FAM120B: variants seen among roughly 807,000 people sequenced by gnomAD.
FAM120B encodes the protein constitutive coactivator of peroxisome proliferator-activated receptor gamma.
A neutral mutation model predicts 96.3 loss-of-function variants in FAM120B; 83 were observed. That is an observed-to-expected ratio of 0.86 (90% CI 0.72 to 1.03). The LOEUF (loss-of-function observed/expected upper bound fraction) is 1.03, where lower values mean the gene tolerates loss of function less well. Ranked by LOEUF, FAM120B falls within the 50% of genes least tolerant of loss-of-function variation. The pLI, the probability that FAM120B is intolerant of heterozygous loss-of-function variation, is 0.00. For missense variants in FAM120B, 1,027 were observed against 1,121.2 expected (o/e 0.92, Z 1.20); for synonymous variants, 407 against 402.7 (o/e 1.01, Z -0.13).
At chr6:170,376,468 C>T (rs990999073) in intron 6 of FAM120B, among the ~76,000 whole-genome samples, 1 of 130,404 alleles carries the variant, frequency 7.7e-6, no homozygotes, top group Non-Finnish European at 1.6e-5. Flanking sequence ...ATCATAGTGT[C>T]GAGGAACACG....
intron 6 of FAM120B, among the ~76,000 whole-genome samples, chr6:170,379,808 T>G: frequency 6.6e-6 from 1 of 152,250 alleles, no homozygotes; most frequent in East Asian, 1.9e-4. Flanking sequence ...AGATTTTGTT[T>G]GTTTGTTTTT....
At position 170,317,508 on chromosome 6, in the gene FAM120B, A is replaced by G. The variant is rs1784971801; in HGVS notation, c.118A>G (p.Thr40Ala). 3.7e-6 allele frequency: 6 copies of G among 1,614,078 alleles called. No individual in the cohort carries two copies. In the African/African-American group the frequency reaches 4.0e-5, roughly 11 times the overall value. Residue 40 changes from threonine to alanine, a missense_variant, in exon 2 of 11, where the codon ACC becomes GCC. Physicochemically the swap from Thr to Ala is moderately conservative, Grantham distance 58 (BLOSUM62 0). Coordinates refer to ENST00000476287, the MANE Select transcript of FAM120B (RefSeq NM_032448.3). Reference protein sequence around the residue: ...HRSKYPGCTPTIVVDAMCCLR... With the variant: ...HRSKYPGCTPAIVVDAMCCLR... ...AAGCAAGTATCCTGGATGTACCCCT[A>G]CCATTGTGGTTGATGCCATGTGTTG...
intron 1 of FAM120B, among the ~76,000 whole-genome samples, chr6:170,317,004 A>T (rs1173195330): frequency 1.3e-5 from 2 of 152,234 alleles, no homozygotes; most frequent in African/African-American, 2.4e-5. Flanking sequence ...TTTATGTTTT[A>T]GATTTTTAAC....
intron 5 of FAM120B, among the ~76,000 whole-genome samples, chr6:170,351,758 C>T (rs1388955167): frequency 6.6e-6 from 1 of 152,194 alleles, no homozygotes; most frequent in Non-Finnish European, 1.5e-5. Flanking sequence ...TTGTCACCAA[C>T]AGGCTTGCCT....
chr6:170,344,002 G>A (rs1263007541), intron 4 of FAM120B, among the ~76,000 whole-genome samples: 11 of 150,176 alleles, frequency 7.3e-5, no homozygotes, highest in African/African-American at 2.7e-4. Flanking sequence ...GGATGAAATC[G>A]TTCAGTCCAT....
intron 6 of FAM120B, among the ~76,000 whole-genome samples, chr6:170,359,944 C>T (rs1344999593): frequency 1.3e-5 from 2 of 152,130 alleles, no homozygotes; most frequent in African/African-American, 4.8e-5. Flanking sequence ...TTCTTCACGC[C>T]GAGCGGCAGC....
At chr6:170,404,523 T>C in intron 9 of FAM120B, 27 bp from the exon 10 acceptor site, 1 of 1,609,074 alleles carries the variant, frequency 6.2e-7, no homozygotes, top group Non-Finnish European at 8.5e-7. Flanking sequence ...TAATTCTTAC[T>C]TTGGTTTTCA....
intron 4 of FAM120B, among the ~76,000 whole-genome samples, chr6:170,334,902 T>C (rs150210825): frequency 6.6e-6 from 1 of 152,168 alleles, no homozygotes; most frequent in East Asian, 1.9e-4. Context: ...AAGTATAGAG[T>C]TTGATGTATT....
At chr6:170,323,362 A>G (rs1048954568) in intron 3 of FAM120B, 103 bp downstream of exon 3, 2 of 954,298 alleles carry the variant, frequency 2.1e-6, no homozygotes, top group Admixed American at 2.7e-5. Context: ...CATGGAGACA[A>G]TTAAATGGGT....
chr6:170,353,968 A>G (rs1787737241), intron 5 of FAM120B, among the ~76,000 whole-genome samples: 1 of 152,240 alleles, frequency 6.6e-6, no homozygotes, highest in African/African-American at 2.4e-5. Flanking sequence ...AGCCAAGACA[A>G]TCCTAAGCAA....
intron 1 of FAM120B, among the ~76,000 whole-genome samples, chr6:170,301,625 C>T (rs1255836623): frequency 6.6e-6 from 1 of 152,204 alleles, no homozygotes; most frequent in South Asian, 2.1e-4. Context: ...CTCTTGAATG[C>T]TTTGCTGTCT....
At chr6:170,350,394 C>T (rs999083687) in intron 5 of FAM120B, among the ~76,000 whole-genome samples, 1 of 152,220 alleles carries the variant, frequency 6.6e-6, no homozygotes, top group Non-Finnish European at 1.5e-5. Flanking sequence ...AGAACACAGG[C>T]AGTCCGGATG....
upstream of FAM120B, among the ~76,000 whole-genome samples, chr6:170,303,351 C>T (rs1352887099): frequency 6.6e-6 from 1 of 152,112 alleles, no homozygotes; most frequent in Non-Finnish European, 1.5e-5. Flanking sequence ...ATGATCCTCC[C>T]ACCTCAGCCT....
rs964017604 is a variant in FAM120B at position 170,343,437 on chromosome 6, A to G, written c.2018-4714A>G. Reference sequence around the variant, plus strand: ...TATCTTATCTCCTAAATTAGTATTCACATAGGCATTCAATAAATATTTCTT... The same window carrying G: ...TATCTTATCTCCTAAATTAGTATTCGCATAGGCATTCAATAAATATTTCTT... On this transcript the variant is annotated intron_variant, in intron 4 of 10. Coordinates refer to ENST00000476287, the MANE Select transcript of FAM120B (RefSeq NM_032448.3). Among the ~76,000 whole-genome samples the G allele has an allele frequency of 3.3e-5, 5 of 152,086 alleles. 1 individual carries two copies. Among genetic ancestry groups the G allele is most frequent in the African/African-American group, 1.2e-4 (5 of 41,332 alleles).
intron 3 of FAM120B, among the ~76,000 whole-genome samples, chr6:170,329,371 C>T (rs761880486): frequency 5.9e-5 from 9 of 152,190 alleles, no homozygotes; most frequent in African/African-American, 1.9e-4. Flanking sequence ...GCCCATTGTC[C>T]GTCACATGAA....
intron 9 of FAM120B, among the ~76,000 whole-genome samples, chr6:170,399,602 G>A (rs77598096): frequency 9.0e-5 from 13 of 144,458 alleles, no homozygotes; most frequent in East Asian, 2.4e-4. Context: ...AGTGAGTGAG[G>A]AAGGTAGAAC....
chr6:170,376,879 G>A (rs907932221), intron 6 of FAM120B, among the ~76,000 whole-genome samples: 1 of 152,128 alleles, frequency 6.6e-6, no homozygotes. Context: ...GCCTGTTTCC[G>A]TGTAGAGCAA....
At chr6:170,321,859 A>G (rs1737735180) in intron 2 of FAM120B, among the ~76,000 whole-genome samples, 1 of 152,256 alleles carries the variant, frequency 6.6e-6, no homozygotes, top group Non-Finnish European at 1.5e-5. Context: ...ACTGAAGCCT[A>G]TGAATAATGA....
At chr6:170,357,401 T>A (rs929850348) in intron 5 of FAM120B, among the ~76,000 whole-genome samples, 5 of 152,128 alleles carry the variant, frequency 3.3e-5, no homozygotes, top group South Asian at 2.1e-4. Context: ...GCCCTCTCCT[T>A]ATCTCCATCA....
Sources: gnomAD v4.1 joint callset for allele counts (sites outside exome capture counted in the v4.1 genomes callset) on GRCh38, gnomAD v4.1.1 for gene constraint, MANE v1.5 for transcripts, NCBI Gene and HGNC (gene_info 2026-07-23, HGNC 2026-07-21) for gene names.